The following OXSR1 variants were observed in gnomAD, a reference collection of about 807,000 sequenced individuals.
The protein encoded by OXSR1 is serine/threonine-protein kinase OSR1.
OXSR1 carries 24 observed loss-of-function variants against 79.8 expected under a neutral mutation model. The observed-to-expected ratio is 0.30, with a 90% CI of 0.22 to 0.42. The LOEUF (loss-of-function observed/expected upper bound fraction) is 0.42, where lower values mean the gene tolerates loss of function less well. OXSR1 is among the 10% of genes least tolerant of loss of function. The pLI is 1.00. For missense variants in OXSR1, 430 were observed against 618.4 expected, an observed-to-expected ratio of 0.70 and a Z score of 3.23; for synonymous variants, 226 against 209.2, an observed-to-expected ratio of 1.08 and a Z score of -0.69.
intron 10 of OXSR1, among the ~76,000 whole-genome samples, chr3:38,236,142 T>C (rs1025452627): frequency 6.6e-6 from 1 of 152,220 alleles, no homozygotes; most frequent in Non-Finnish European, 1.5e-5. Flanking sequence ...GAATATGATA[T>C]ATATAATCAT....
chr3:38,224,114 T>A (rs1366258497), intron 7 of OXSR1, among the ~76,000 whole-genome samples: 1 of 152,218 alleles, frequency 6.6e-6, no homozygotes. Flanking sequence ...ACCATCTGTA[T>A]CCAAACTCTT....
chr3:38,236,704 TTGTA>T (rs1702925108), intron 10 of OXSR1, 131 bp from the exon 11 acceptor site: 6 of 757,686 alleles, frequency 7.9e-6, no homozygotes, highest in Non-Finnish European at 1.2e-5. Flanking sequence ...GGATATGAAT[TTGTA>T]TGGGAACATT....
intron 5 of OXSR1, among the ~76,000 whole-genome samples, chr3:38,218,784 T>C (rs936772350): frequency 1.3e-5 from 2 of 152,190 alleles, no homozygotes; most frequent in Non-Finnish European, 2.9e-5. Flanking sequence ...TAAGAGTTTT[T>C]ATAGTTTAGG....
intron 17 of OXSR1, 67 bp from the exon 18 acceptor site, chr3:38,252,750 T>C: frequency 1.6e-6 from 2 of 1,266,764 alleles, no homozygotes; most frequent in Non-Finnish European, 2.3e-6. Context: ...ATCCCATGTC[T>C]GTTTTATTTG....
chr3:38,240,568 T>G (rs1385074660), intron 11 of OXSR1, among the ~76,000 whole-genome samples: 1 of 152,102 alleles, frequency 6.6e-6, no homozygotes, highest in African/African-American at 2.4e-5. Flanking sequence ...ATCCAGATAA[T>G]GGTCTCTAAT....
At chr3:38,177,710 C>CA (rs1252292307) in intron 1 of OXSR1, among the ~76,000 whole-genome samples, 1 of 151,716 alleles carries the variant, frequency 6.6e-6, no homozygotes, top group African/African-American at 2.4e-5. Flanking sequence ...TCAGCCTCCC[C>CA]AGTAGCTGGG....
At chr3:38,227,899 G>A (rs372549341) in intron 8 of OXSR1, among the ~76,000 whole-genome samples, 4 of 152,172 alleles carry the variant, frequency 2.6e-5, no homozygotes, top group Non-Finnish European at 4.4e-5. Flanking sequence ...TGAGGCCAGC[G>A]TTTAGTGAAA....
At chr3:38,252,206 G>T in intron 16 of OXSR1, 122 bp from the exon 17 acceptor site, 1 of 736,528 alleles carries the variant, frequency 1.4e-6, no homozygotes, top group South Asian at 1.5e-5. Context: ...TATTTGATCT[G>T]TCTGCTTCCA....
intron 8 of OXSR1, among the ~76,000 whole-genome samples, chr3:38,227,691 A>C (rs569303455): frequency 6.6e-6 from 1 of 152,282 alleles, no homozygotes; most frequent in African/African-American, 2.4e-5. Context: ...AGAGTTGATG[A>C]AAGACCTATA....
At chr3:38,251,357 G>A (rs1330320888) in intron 15 of OXSR1, 46 bp from the exon 16 acceptor site, 1 of 1,499,708 alleles carries the variant, frequency 6.7e-7, no homozygotes, top group Non-Finnish European at 9.3e-7. Context: ...GTTAACAGTG[G>A]CAAGCACGCA....
intron 11 of OXSR1, among the ~76,000 whole-genome samples, chr3:38,238,522 T>A (rs1330585533): frequency 6.6e-6 from 1 of 152,102 alleles, no homozygotes; most frequent in South Asian, 2.1e-4. Flanking sequence ...GTAAGTCTTT[T>A]GGTGATGATT....
In OXSR1 at chr3:38,190,682, T is replaced by G. The variant is rs766752230; in HGVS notation, c.184-49T>G. The G allele has an allele frequency of 2.9e-6, 3 of 1,052,076 alleles. No individual in the cohort carries two copies. In the Admixed American group the frequency reaches 5.4e-5, roughly 19 times the overall value. 65.2% of individuals were successfully genotyped at this position (1,052,076 alleles called of 1,614,324 possible). ...TCTGGATTTGCTAACTCACAACATT[T>G]GTTTTAGGCTTGCATATAATGAATT... On this transcript the variant is annotated intron_variant, in intron 2 of 17. Transcript: ENST00000311806.
intron 4 of OXSR1, among the ~76,000 whole-genome samples, chr3:38,211,778 T>G (rs929132684): frequency 2.0e-5 from 3 of 152,214 alleles, no homozygotes; most frequent in African/African-American, 7.2e-5. Context: ...CTCTGCCTCT[T>G]AAGTGTCTCT....
chr3:38,218,632 T>G (rs1702530986), intron 5 of OXSR1, among the ~76,000 whole-genome samples: 1 of 152,192 alleles, frequency 6.6e-6, no homozygotes, highest in Non-Finnish European at 1.5e-5. Flanking sequence ...TGGGTTGCCT[T>G]TCACTGTGTT....
At chr3:38,242,262 A>G (rs1476286003) in intron 11 of OXSR1, among the ~76,000 whole-genome samples, 1 of 152,150 alleles carries the variant, frequency 6.6e-6, no homozygotes, top group African/African-American at 2.4e-5. Context: ...AACACCAAGA[A>G]TAAGGGTAGT....
chr3:38,240,831 T>G lies in OXSR1; in HGVS notation c.1075-1912T>G, dbSNP rs150972451. Among the ~76,000 whole-genome samples, 622 of 152,206 alleles carry G rather than the reference T, an allele frequency of 4.1e-3. 6 individuals are homozygous for G. Among genetic ancestry groups the G allele is most frequent in the Non-Finnish European group, 5.4e-3 (367 of 68,012 alleles). ...TTTTAAACAATTTAGAAAATAGCTA[T>G]CTATGAGTCTATACCAATAACAAAT... On this transcript the variant is annotated intron_variant, in intron 11 of 17. Transcript: ENST00000311806.
At chr3:38,168,304 T>A (rs539995940) in intron 1 of OXSR1, among the ~76,000 whole-genome samples, 3 of 152,352 alleles carry the variant, frequency 2.0e-5, no homozygotes, top group African/African-American at 7.2e-5. Flanking sequence ...AGTTTTAGAA[T>A]ATTTCCATCA....
upstream of OXSR1, chr3:38,165,420 A>G (rs1701419848): frequency 5.9e-6 from 1 of 168,978 alleles, no homozygotes; most frequent in African/African-American, 2.4e-5. Context: ...TAGCTTGCTC[A>G]CTTTACATCC....
chr3:38,203,270 A>G (rs1428565131), intron 4 of OXSR1, among the ~76,000 whole-genome samples: 2 of 152,152 alleles, frequency 1.3e-5, no homozygotes, highest in Non-Finnish European at 2.9e-5. Flanking sequence ...GCTTCACCTT[A>G]TCACTTAGAA....
Sources: allele counts gnomAD v4.1 joint callset (sites outside exome capture counted in the v4.1 genomes callset), GRCh38; gene constraint gnomAD v4.1.1; transcripts MANE v1.5; gene names NCBI Gene and HGNC (gene_info 2026-07-23, HGNC 2026-07-21).